Variants in TBC1D22A observed in about 807,000 individuals in gnomAD.
TBC1D22A encodes the protein TBC1 domain family member 22A.
TBC1D22A carries 38 observed loss-of-function variants against 60.2 expected under a neutral mutation model. The observed-to-expected ratio is 0.63, with a 90% CI of 0.49 to 0.83. The LOEUF is 0.83. Ranked by LOEUF, TBC1D22A falls within the 40% of genes least tolerant of loss-of-function variation. The pLI is 0.00. For synonymous variants in TBC1D22A, 302 were observed against 281.7 expected (o/e 1.07, Z -0.72); for missense variants, 628 against 701.0 (o/e 0.90, Z 1.18).
chr22:46,913,807 C>G, intron 8 of TBC1D22A: 1 of 972,350 alleles, frequency 1.0e-6, no homozygotes, highest in Non-Finnish European at 1.2e-6. Flanking sequence ...CCGCCAACTT[C>G]TGTTGTAAGA....
At chr22:47,002,850 A>G (rs1250710255) in intron 10 of TBC1D22A, among the ~76,000 whole-genome samples, 1 of 152,154 alleles carries the variant, frequency 6.6e-6, no homozygotes, top group African/African-American at 2.4e-5. Context: ...AGCTGCTGGC[A>G]AAACCTGATA....
intron 5 of TBC1D22A, among the ~76,000 whole-genome samples, chr22:46,890,880 G>T (rs1266930419): frequency 6.6e-6 from 1 of 152,168 alleles, no homozygotes; most frequent in Non-Finnish European, 1.5e-5. Context: ...AGACAGTTCA[G>T]ACTTTGGAAT....
chr22:47,037,271 G>C (rs898363094), intron 11 of TBC1D22A, 73 bp downstream of exon 11: 2 of 1,585,204 alleles, frequency 1.3e-6, no homozygotes, highest in Admixed American at 1.7e-5. Context: ...CTTCTGCCCT[G>C]GGCCTGTGTG....
chr22:47,147,600 G>C (rs531543683), intron 12 of TBC1D22A, among the ~76,000 whole-genome samples: 2 of 152,350 alleles, frequency 1.3e-5, no homozygotes, highest in African/African-American at 4.8e-5. Context: ...TTTCCATCCG[G>C]GCTGCATTTG....
chr22:46,789,978 G>A (rs2084336216), intron 1 of TBC1D22A, among the ~76,000 whole-genome samples: 1 of 152,234 alleles, frequency 6.6e-6, no homozygotes, highest in Non-Finnish European at 1.5e-5. Flanking sequence ...CACAAGAGTG[G>A]CTCAGCCTCC....
chr22:46,828,152 G>C (rs561260360), intron 4 of TBC1D22A, among the ~76,000 whole-genome samples: 2 of 152,338 alleles, frequency 1.3e-5, no homozygotes, highest in East Asian at 3.9e-4. Context: ...CTGGTGCAGC[G>C]TCAGGACTCC....
At chr22:46,884,733 C>G (rs1027692147) in intron 5 of TBC1D22A, among the ~76,000 whole-genome samples, 1 of 152,166 alleles carries the variant, frequency 6.6e-6, no homozygotes, top group Non-Finnish European at 1.5e-5. Flanking sequence ...AATGGGTGGG[C>G]AGGATTGGCT....
intron 11 of TBC1D22A, among the ~76,000 whole-genome samples, chr22:47,048,429 G>A (rs1017612104): frequency 6.6e-6 from 1 of 152,262 alleles, no homozygotes; most frequent in East Asian, 1.9e-4. Flanking sequence ...GTCACTTGCC[G>A]AGACGGTGCT....
intron 4 of TBC1D22A, among the ~76,000 whole-genome samples, chr22:46,830,935 G>C (rs547745126): frequency 1.3e-5 from 2 of 152,096 alleles, no homozygotes; most frequent in African/African-American, 4.8e-5. Context: ...AGGTATCTCC[G>C]AGGAAGATGG....
intron 1 of TBC1D22A, among the ~76,000 whole-genome samples, chr22:46,765,865 C>G (rs769165279): frequency 2.8e-4 from 42 of 151,914 alleles, no homozygotes; most frequent in Non-Finnish European, 5.1e-4. Flanking sequence ...ACTGCTACCT[C>G]CACCTCCTGG....
rs376911151 is a variant in TBC1D22A at position 46,963,424 on chromosome 22, C to T, written c.1016-10866C>T. Among the ~76,000 whole-genome samples the T allele has an allele frequency of 5.4e-4, 49 of 90,148 alleles. No homozygotes were observed. In the East Asian group the frequency reaches 0.011, roughly 21 times the overall value. The allele number at this position is 90,148 out of a possible 152,430, so 59.1% of individuals were successfully genotyped here. ...GAGCCTTCAGAGAGCTCTCAGGCCT[C>T]CACGATTGTGTGGTGTTCTGCTTTC... On this transcript the variant is annotated intron_variant, in intron 8 of 12. Transcript: ENST00000337137.
At chr22:47,097,632 A>T (rs948390505) in intron 11 of TBC1D22A, among the ~76,000 whole-genome samples, 2 of 152,112 alleles carry the variant, frequency 1.3e-5, no homozygotes, top group African/African-American at 4.8e-5. Flanking sequence ...AAAGAAAAAG[A>T]AAAGAAATGC....
intron 10 of TBC1D22A, among the ~76,000 whole-genome samples, chr22:47,015,744 C>T (rs921007504): frequency 1.3e-5 from 2 of 152,234 alleles, no homozygotes; most frequent in Non-Finnish European, 2.9e-5. Context: ...CCAGCCGCCT[C>T]GTGGTGGTCT....
chr22:46,977,050 C>G (rs74370377), intron 9 of TBC1D22A, among the ~76,000 whole-genome samples: 1 of 152,162 alleles, frequency 6.6e-6, no homozygotes, highest in Non-Finnish European at 1.5e-5. Context: ...GGTTGGAGCT[C>G]GGTTACACCC....
At chr22:46,911,653 C>T (rs1023252875) in intron 7 of TBC1D22A, among the ~76,000 whole-genome samples, 2 of 152,170 alleles carry the variant, frequency 1.3e-5, no homozygotes, top group African/African-American at 4.8e-5. Flanking sequence ...CGTGGTGGCT[C>T]ATTCCTGTAA....
At chr22:46,967,819 A>G (rs2053156343) in intron 8 of TBC1D22A, among the ~76,000 whole-genome samples, 1 of 151,636 alleles carries the variant, frequency 6.6e-6, no homozygotes, top group Non-Finnish European at 1.5e-5. Context: ...GGTAATTACA[A>G]GCTATGATTC....
At chr22:46,904,371 C>T (rs951481230) in intron 7 of TBC1D22A, among the ~76,000 whole-genome samples, 18 of 151,928 alleles carry the variant, frequency 1.2e-4, no homozygotes, top group East Asian at 3.9e-4. Context: ...GAAAATCACG[C>T]GGCAAGATAA....
intron 4 of TBC1D22A, among the ~76,000 whole-genome samples, chr22:46,848,490 T>C (rs1425223817): frequency 2.0e-5 from 3 of 152,220 alleles, no homozygotes; most frequent in Non-Finnish European, 4.4e-5. Context: ...CAGAGCAGCC[T>C]GTATGGTTCT....
At chr22:46,885,153 T>C (rs929627529) in intron 5 of TBC1D22A, among the ~76,000 whole-genome samples, 1 of 152,214 alleles carries the variant, frequency 6.6e-6, no homozygotes, top group Non-Finnish European at 1.5e-5. Context: ...TATCCAGGGC[T>C]GAGCAGCGGG....
Sources: gnomAD v4.1 joint callset for allele counts (sites outside exome capture counted in the v4.1 genomes callset) on GRCh38, gnomAD v4.1.1 for gene constraint, MANE v1.5 for transcripts, NCBI Gene and HGNC (gene_info 2026-07-23, HGNC 2026-07-21) for gene names.